The following OCIAD2 variants were observed in gnomAD, a reference collection of about 807,000 sequenced individuals.
OCIAD2 encodes OCIA domain containing 2, also known as OCIA domain-containing protein 2.
In OCIAD2, 29 loss-of-function variants were observed where a neutral mutation model predicts 22.9. The ratio of observed to expected loss-of-function variants is 1.27; its 90% confidence interval spans 0.94 to 1.73. OCIAD2 has a LOEUF of 1.73. Ranked by LOEUF, OCIAD2 falls within the 40% of genes most tolerant of loss-of-function variation. The pLI is 0.00. For missense variants in OCIAD2, 189 were observed against 180.3 expected, an observed-to-expected ratio of 1.05 and a Z score of -0.28; for synonymous variants, 67 against 60.2, an observed-to-expected ratio of 1.11 and a Z score of -0.52.
At chr4:48,892,916 G>T in intron 5 of OCIAD2, 27 bp from the exon 6 acceptor site, 2 of 1,164,858 alleles carry the variant, frequency 1.7e-6, no homozygotes, top group Non-Finnish European at 2.5e-6. Flanking sequence ...GGAGAGATTA[G>T]TTGAGAATCT....
chr4:48,886,052 G>A (rs1264349939), intron 6 of OCIAD2, among the ~76,000 whole-genome samples: 2 of 152,082 alleles, frequency 1.3e-5, no homozygotes, highest in Non-Finnish European at 2.9e-5. Context: ...GATTTTTATG[G>A]TTTTAGGTCT....
chr4:48,891,949 C>T (rs539682102), intron 6 of OCIAD2, among the ~76,000 whole-genome samples: 5 of 152,312 alleles, frequency 3.3e-5, no homozygotes, highest in African/African-American at 7.2e-5. Context: ...CAGAAAGAGA[C>T]AGTATTAAGG....
intron 4 of OCIAD2, among the ~76,000 whole-genome samples, chr4:48,894,663 T>C (rs1406653133): frequency 6.6e-6 from 1 of 152,088 alleles, no homozygotes; most frequent in African/African-American, 2.4e-5. Context: ...CTAACAACAG[T>C]GTTCAAAGAG....
At chr4:48,895,462 C>T (rs1178655464) in intron 4 of OCIAD2, among the ~76,000 whole-genome samples, 2 of 152,096 alleles carry the variant, frequency 1.3e-5, no homozygotes, top group Non-Finnish European at 1.5e-5. Context: ...ACAGAGCTGG[C>T]ATGTAGTGAG....
chr4:48,905,298 G>A (rs1280212887), intron 1 of OCIAD2, among the ~76,000 whole-genome samples: 1 of 152,126 alleles, frequency 6.6e-6, no homozygotes, highest in African/African-American at 2.4e-5. Flanking sequence ...AGGCTAGAGA[G>A]ATGAAGTTGG....
chr4:48,892,688 T>C (rs1019209998), intron 6 of OCIAD2, 84 bp downstream of exon 6: 5 of 650,144 alleles, frequency 7.7e-6, no homozygotes, highest in African/African-American at 1.9e-5. Context: ...TAAAAAATTG[T>C]GTTTAATATT....
intron 3 of OCIAD2, among the ~76,000 whole-genome samples, chr4:48,898,598 A>G (rs182941450): frequency 6.6e-6 from 1 of 152,192 alleles, no homozygotes; most frequent in Non-Finnish European, 1.5e-5. Flanking sequence ...TTCAGGAGTC[A>G]TACGTTACAC....
chr4:48,894,006 G>C lies in OCIAD2; in HGVS notation c.265C>G (p.Leu89Val), dbSNP rs145828802. 664 of 1,513,646 alleles carry C rather than the reference G, an allele frequency of 4.4e-4. 2 individuals carry two copies. In the African/African-American group the frequency reaches 7.7e-3, roughly 17 times the overall value. The allele number at this position is 1,513,646 out of a possible 1,614,324, so 93.8% of individuals were successfully genotyped here. A position where few individuals can be genotyped will look rare whatever the true frequency, so the allele number is the denominator to read the frequency against. Residue 89 changes from leucine to valine, a missense_variant and splice_region_variant, in exon 5 of 7, where the codon CTT becomes GTT. Physicochemically the swap from Leu to Val is conservative, Grantham distance 32. Coordinates refer to ENST00000508632, the MANE Select transcript of OCIAD2 (RefSeq NM_001014446.3). ...TTGCTTTTTTATTTCTATGACTTAC[G>C]TGCAACTTTGGGCAATGATCCAAAT... ...SRFGSLPKVA[L>V]AGLLGFGLGK...
intron 6 of OCIAD2, among the ~76,000 whole-genome samples, chr4:48,886,260 G>A (rs561872417): frequency 5.2e-4 from 79 of 152,148 alleles, no homozygotes; most frequent in African/African-American, 1.7e-3. Context: ...ATTTCTGAGG[G>A]CTCTGTTCTG....
intron 2 of OCIAD2, 39 bp from the exon 3 acceptor site, chr4:48,899,964 T>C: frequency 6.8e-7 from 1 of 1,464,522 alleles, no homozygotes; most frequent in Non-Finnish European, 9.5e-7. Flanking sequence ...CTGAGGTCAT[T>C]GAAAAATCAC....
chr4:48,892,290 G>T (rs1781194992), intron 6 of OCIAD2, among the ~76,000 whole-genome samples: 1 of 152,192 alleles, frequency 6.6e-6, no homozygotes, highest in Non-Finnish European at 1.5e-5. Flanking sequence ...TAAGAAACTT[G>T]CAGGGTCACA....
At chr4:48,891,069 T>C (rs1781167826) in intron 6 of OCIAD2, among the ~76,000 whole-genome samples, 1 of 152,136 alleles carries the variant, frequency 6.6e-6, no homozygotes, top group African/African-American at 2.4e-5. Flanking sequence ...CCTTTAAAAA[T>C]GAAAATTTCC....
intron 6 of OCIAD2, among the ~76,000 whole-genome samples, chr4:48,887,061 T>C (rs1485074250): frequency 1.3e-5 from 2 of 152,208 alleles, no homozygotes; most frequent in Non-Finnish European, 2.9e-5. Flanking sequence ...TATCTCATTG[T>C]GGTTTTGATT....
chr4:48,885,919 C>A (rs1780973472), intron 6 of OCIAD2, among the ~76,000 whole-genome samples: 1 of 152,198 alleles, frequency 6.6e-6, no homozygotes. Context: ...TGCAGAAGCT[C>A]TTTAGCTTAA....
In OCIAD2 at chr4:48,892,829, T is replaced by G; in HGVS notation, c.326A>C (p.Lys109Thr). Residue 109 changes from lysine (K) to threonine (T), a missense_variant, in exon 6 of 7, where the codon AAA (lysine) becomes ACA (threonine). By Grantham distance (78) the Lys-to-Thr change is moderately conservative. Coordinates refer to ENST00000508632, the MANE Select transcript of OCIAD2 (RefSeq NM_001014446.3). ...GAGCTGATCTTCAAAAAAATGGAATTTACTCTGGCATACTCCTATGTATGA... is the reference window on the plus strand; with the variant it reads ...GAGCTGATCTTCAAAAAAATGGAATGTACTCTGGCATACTCCTATGTATGA... ...KVSYIGVCQS[K>T]FHFFEDQLRG... The G allele has an allele frequency of 6.2e-7, 1 of 1,613,102 alleles. No homozygotes were observed. The highest frequency in any genetic ancestry group is 8.5e-7 in the Non-Finnish European group (1 of 1,179,524).
chr4:48,906,179 A>G (rs1240329511), intron 1 of OCIAD2, among the ~76,000 whole-genome samples: 1 of 152,182 alleles, frequency 6.6e-6, no homozygotes, highest in African/African-American at 2.4e-5. Flanking sequence ...ACCTAAAAGC[A>G]AGCCTTCCGA....
At chr4:48,902,661 G>T (rs1781441492) in intron 2 of OCIAD2, among the ~76,000 whole-genome samples, 1 of 152,110 alleles carries the variant, frequency 6.6e-6, no homozygotes, top group African/African-American at 2.4e-5. Flanking sequence ...ACACACCCTG[G>T]CTATCACAAT....
intron 4 of OCIAD2, among the ~76,000 whole-genome samples, chr4:48,897,587 C>T (rs556185317): frequency 6.6e-6 from 1 of 152,316 alleles, no homozygotes; most frequent in East Asian, 1.9e-4. Flanking sequence ...CCATCTGCAA[C>T]TTTAATTTCC....
intron 3 of OCIAD2, among the ~76,000 whole-genome samples, chr4:48,899,389 T>C (rs1781369629): frequency 6.6e-6 from 1 of 152,200 alleles, no homozygotes. Context: ...CCATTCTTCA[T>C]TCATTAGAGA....
Sources: allele counts gnomAD v4.1 joint callset (sites outside exome capture counted in the v4.1 genomes callset), GRCh38; gene constraint gnomAD v4.1.1; transcripts MANE v1.5; gene names NCBI Gene and HGNC (gene_info 2026-07-23, HGNC 2026-07-21).